The following TNFAIP8L3 variants were observed in gnomAD, a reference collection of about 807,000 sequenced individuals.
The protein encoded by TNFAIP8L3 is tumor necrosis factor alpha-induced protein 8-like protein 3.
Under a neutral mutation model 11.8 loss-of-function variants are expected in TNFAIP8L3, and 7 were observed. The observed-to-expected ratio is 0.59, with a 90% CI of 0.34 to 1.11. The LOEUF is 1.11. Among genes scored for constraint, TNFAIP8L3 ranks in the 50% most tolerant of loss-of-function variants. TNFAIP8L3 has a pLI of 0.03. For synonymous variants in TNFAIP8L3, 98 were observed against 103.8 expected (o/e 0.94, Z 0.34); for missense variants, 219 against 258.6 (o/e 0.85, Z 1.05).
At chr15:51,093,942 C>T (rs909668156) in intron 1 of TNFAIP8L3, among the ~76,000 whole-genome samples, 2 of 152,172 alleles carry the variant, frequency 1.3e-5, no homozygotes, top group African/African-American at 4.8e-5. Flanking sequence ...GGCGCGCGCC[C>T]CTGCGTCTGT....
intron 1 of TNFAIP8L3, among the ~76,000 whole-genome samples, chr15:51,104,838 G>A (rs1318604923): frequency 6.6e-6 from 1 of 152,172 alleles, no homozygotes; most frequent in African/African-American, 2.4e-5. Flanking sequence ...TTTTTATTCT[G>A]GCTGTTCATG....
At position 51,091,298 on chromosome 15, in the gene TNFAIP8L3, TG is replaced by T. The variant is rs575580094; in HGVS notation, c.52+3245del. Among the ~76,000 whole-genome samples the T allele has an allele frequency of 2.6e-3, 397 of 152,070 alleles. 7 individuals are homozygous for T. The highest frequency in any genetic ancestry group is 3.2e-3 in the Non-Finnish European group (219 of 67,966). On this transcript the variant is annotated intron_variant, in intron 1 of 1. Coordinates refer to ENST00000637513, the MANE Select transcript of TNFAIP8L3 (RefSeq NM_001311175.2). ...AGAGATCTGCTCTGCACGCACAAAG[TG>T]GGGGGAACTTTGGAAGAGTCTCTTG...
At chr15:51,103,826 A>C (rs1282265411) in intron 1 of TNFAIP8L3, among the ~76,000 whole-genome samples, 2 of 152,220 alleles carry the variant, frequency 1.3e-5, no homozygotes, top group African/African-American at 2.4e-5. Flanking sequence ...CGTAAGTCCA[A>C]GGATCAAATA....
intron 1 of TNFAIP8L3, among the ~76,000 whole-genome samples, chr15:51,070,924 G>A (rs1288933740): frequency 6.8e-6 from 1 of 147,668 alleles, no homozygotes; most frequent in South Asian, 2.2e-4. Flanking sequence ...AGTGGCGGGC[G>A]CCTGTAGTCC....
At chr15:51,084,793 G>A (rs1201706465) in intron 1 of TNFAIP8L3, among the ~76,000 whole-genome samples, 1 of 152,162 alleles carries the variant, frequency 6.6e-6, no homozygotes, top group Non-Finnish European at 1.5e-5. Flanking sequence ...CTGGGCTAGA[G>A]TACAACTTTG....
At chr15:51,058,745 C>G (rs774645101) in intron 1 of TNFAIP8L3, among the ~76,000 whole-genome samples, 9 of 152,206 alleles carry the variant, frequency 5.9e-5, no homozygotes, top group Non-Finnish European at 1.2e-4. Context: ...ATTCATAAAG[C>G]CTTCCTGATT....
At chr15:51,082,177 C>T (rs959492753) in intron 1 of TNFAIP8L3, among the ~76,000 whole-genome samples, 2 of 151,840 alleles carry the variant, frequency 1.3e-5, no homozygotes, top group Non-Finnish European at 2.9e-5. Context: ...GGGTGAACAT[C>T]ATACGGTGTA....
At position 51,058,392 on chromosome 15, in the gene TNFAIP8L3, A is replaced by C. The variant is rs1567285003; in HGVS notation, c.104T>G (p.Ile35Ser). 6.2e-7 allele frequency: 1 copy of C among 1,613,076 alleles called. No individual in the cohort carries two copies. The highest frequency in any genetic ancestry group is 1.1e-5 in the South Asian group (1 of 90,954). The change falls in exon 2 of 2, where the codon ATT becomes AGT. Residue 35 changes from isoleucine (I) to serine (S), a missense_variant. Transcript: ENST00000637513. ...KSLALQAQKK[I>S]LSKIASKTVA... ...AGTTTTGCTGGCTATTTTGCTCAGA[A>C]TCTTCTTCTGGGCTTGAAGCGCAAG...
rs1279739004 is a variant in TNFAIP8L3, at chr15:51,094,300, G to A, written c.52+244C>T. Among the ~76,000 whole-genome samples, 1 of 152,026 alleles carries A rather than the reference G, an allele frequency of 6.6e-6. No homozygotes were observed. Among genetic ancestry groups the A allele is most frequent in the Non-Finnish European group, 1.5e-5 (1 of 67,990 alleles). On this transcript the variant is annotated intron_variant, in intron 1 of 1. Coordinates refer to ENST00000637513, the MANE Select transcript of TNFAIP8L3 (RefSeq NM_001311175.2). This position sits in a 1 kb window ranked among gnomAD's most constrained non-coding sequence, Gnocchi z 4.4. Reference sequence around the variant, plus strand: ...CGCCCCCACCCAGCCCGGGCGACCAGAGCCCGCCGCGGGAGACTGGCAGCA... The same window carrying A: ...CGCCCCCACCCAGCCCGGGCGACCAAAGCCCGCCGCGGGAGACTGGCAGCA...
intron 1 of TNFAIP8L3, among the ~76,000 whole-genome samples, chr15:51,059,238 AC>A (rs2065226780): frequency 6.6e-6 from 1 of 152,190 alleles, no homozygotes; most frequent in Admixed American, 6.5e-5. Flanking sequence ...GCTTAGGAAA[AC>A]CAGACCCAAT....
At chr15:51,059,019 G>C (rs1757842483) in intron 1 of TNFAIP8L3, among the ~76,000 whole-genome samples, 1 of 152,222 alleles carries the variant, frequency 6.6e-6, no homozygotes, top group African/African-American at 2.4e-5. Flanking sequence ...TTGCCAGGTA[G>C]CTGTTGTGCT....
At chr15:51,060,928 G>C (rs1273053358) in intron 1 of TNFAIP8L3, among the ~76,000 whole-genome samples, 3 of 152,146 alleles carry the variant, frequency 2.0e-5, no homozygotes, top group Non-Finnish European at 4.4e-5. Flanking sequence ...TTGAGGTCAG[G>C]AGTTTGAGAC....
At chr15:51,070,770 G>T (rs1007550371) in intron 1 of TNFAIP8L3, among the ~76,000 whole-genome samples, 16 of 152,264 alleles carry the variant, frequency 1.1e-4, no homozygotes, top group African/African-American at 3.9e-4. Context: ...TTTCTGGCCG[G>T]GCGCGGTGGC....
intron 1 of TNFAIP8L3, among the ~76,000 whole-genome samples, chr15:51,082,623 CTT>C (rs911375663): frequency 2.6e-5 from 4 of 152,156 alleles, no homozygotes; most frequent in Admixed American, 2.0e-4. Flanking sequence ...TTTTTAAAAA[CTT>C]TTTGACTTTT....
chr15:51,074,839 C>T (rs796567856), intron 1 of TNFAIP8L3, among the ~76,000 whole-genome samples: 8 of 152,248 alleles, frequency 5.3e-5, no homozygotes, highest in African/African-American at 1.9e-4. Flanking sequence ...CTGAAGGTCC[C>T]CTCCCACCAT....
chr15:51,072,721 T>C (rs2065318911), intron 1 of TNFAIP8L3, among the ~76,000 whole-genome samples: 1 of 152,160 alleles, frequency 6.6e-6, no homozygotes, highest in Non-Finnish European at 1.5e-5. Flanking sequence ...GCCCCTTCTT[T>C]TCATATCAGG....
rs533093247 is a variant in TNFAIP8L3, at chr15:51,069,082, G to A, written c.53-10639C>T. On this transcript the variant is annotated intron_variant, in intron 1 of 1. Transcript: ENST00000637513. The stretch of plus-strand genomic sequence containing the variant: ...TGGAAGGATGAAGGAGTGAATTACC[G>A]GAGACAACCAAATGCAGAACAGGGG... Among the ~76,000 whole-genome samples the A allele has an allele frequency of 9.9e-5, 15 of 152,250 alleles. No individual in the cohort carries two copies. In the South Asian group the frequency reaches 2.7e-3, roughly 27 times the overall value.
intron 1 of TNFAIP8L3, among the ~76,000 whole-genome samples, chr15:51,063,060 C>A (rs1422930581): frequency 6.6e-6 from 1 of 152,080 alleles, no homozygotes; most frequent in Admixed American, 6.6e-5. Flanking sequence ...GGGAGGGGAT[C>A]GTTCCCTGGA....
rs201887319 is a variant in TNFAIP8L3 at position 51,094,695 on chromosome 15, C to CCGGGCGGCG, written c.-109_-101dup. On this transcript the variant is annotated 5_prime_UTR_variant, in exon 1 of 2. Coordinates refer to ENST00000637513, the MANE Select transcript of TNFAIP8L3 (RefSeq NM_001311175.2). The surrounding 1 kb of genome is among the most constrained non-coding windows in gnomAD (Gnocchi z 4.4). Reference sequence around the variant, plus strand: ...GGGCGGACAGCGGGGCGGCTGGAGCCCGGGCGGCGCGGGCGGCGCGGGCTG... The same window carrying CCGGGCGGCG: ...GGGCGGACAGCGGGGCGGCTGGAGCCCGGGCGGCGCGGGCGGCGCGGGCGGCGCGGGCTG... The CCGGGCGGCG allele has an allele frequency of 5.3e-4, 565 of 1,062,408 alleles. 4 individuals carry two copies. In the Middle Eastern group the frequency reaches 8.1e-3, roughly 15 times the overall value. 65.8% of individuals were successfully genotyped at this position (1,062,408 alleles called of 1,614,324 possible).
Sources: gnomAD v4.1 joint callset for allele counts (sites outside exome capture counted in the v4.1 genomes callset) on GRCh38, gnomAD v4.1.1 for gene constraint, Gnocchi (gnomAD v3.1) non-coding constraint, MANE v1.5 for transcripts, NCBI Gene and HGNC (gene_info 2026-07-23, HGNC 2026-07-21) for gene names.